The following ZNF480 variants were observed in gnomAD, a reference collection of about 807,000 sequenced individuals.
ZNF480 encodes the protein zinc finger protein 480.
A neutral mutation model predicts 14.4 loss-of-function variants in ZNF480; 15 were observed. That is an observed-to-expected ratio of 1.04 (90% confidence interval 0.70 to 1.60). The LOEUF is 1.60. ZNF480 is among the 40% of genes most tolerant of loss of function. ZNF480 has a pLI of 0.00. For synonymous variants in ZNF480, 218 were observed against 215.5 expected, an observed-to-expected ratio of 1.01 and a Z score of -0.10; for missense variants, 593 against 629.7, an observed-to-expected ratio of 0.94 and a Z score of 0.62.
At chr19:52,321,053 T>C (rs1319328809) in intron 4 of ZNF480, among the ~76,000 whole-genome samples, 3 of 152,204 alleles carry the variant, frequency 2.0e-5, no homozygotes, top group African/African-American at 7.2e-5. Flanking sequence ...CTTTATTTAT[T>C]TTTTAGCCAT....
chr19:52,314,713 A>G (rs2122547101), intron 3 of ZNF480, among the ~76,000 whole-genome samples: 1 of 152,032 alleles, frequency 6.6e-6, no homozygotes, highest in East Asian at 1.9e-4. Flanking sequence ...CTGAGTCAGG[A>G]GAATCTCTTG....
chr19:52,319,573 A>C (rs554368936), intron 4 of ZNF480, among the ~76,000 whole-genome samples: 1 of 152,172 alleles, frequency 6.6e-6, no homozygotes, highest in Admixed American at 6.5e-5. Flanking sequence ...CCTTGGGTTC[A>C]TTTTAATTTG....
chr19:52,314,258 T>C lies in ZNF480; in HGVS notation c.178T>C (p.Tyr60His). The C allele has an allele frequency of 6.4e-7, 1 of 1,569,228 alleles. No homozygotes were observed. Reference protein sequence around the residue: ...ALYKDVMLENYRNLVSLGISL... With the variant: ...ALYKDVMLENHRNLVSLGISL... ...ATACAAGGATGTGATGTTGGAGAAC[T>C]ACAGGAACCTGGTCTCCCTGGGTGA... Residue 60 changes from tyrosine to histidine, a missense_variant, in exon 3 of 5, where the codon TAC becomes CAC. Tyr to His is a moderately conservative substitution (Grantham distance 83, BLOSUM62 2). Transcript: ENST00000595962.
At chr19:52,315,235 C>T (rs1225794995) in intron 3 of ZNF480, among the ~76,000 whole-genome samples, 1 of 152,144 alleles carries the variant, frequency 6.6e-6, no homozygotes, top group Non-Finnish European at 1.5e-5. Flanking sequence ...AGGCATGAGC[C>T]CCCGCACCCA....
At chr19:52,298,967 C>T (rs1443091690) in intron 1 of ZNF480, among the ~76,000 whole-genome samples, 1 of 152,128 alleles carries the variant, frequency 6.6e-6, no homozygotes, top group Non-Finnish European at 1.5e-5. Context: ...TAAGTTGTGA[C>T]ATTGATTTAT....
At chr19:52,300,985 C>CT (rs1982665476) in intron 2 of ZNF480, 1 of 160,178 alleles carries the variant, frequency 6.2e-6, no homozygotes, top group Non-Finnish European at 1.4e-5. Flanking sequence ...TGTCCTGCTC[C>CT]AGTAAGCCAA....
chr19:52,322,492 T>C lies in ZNF480; in HGVS notation c.1242T>C (p.Leu414=). 1 of 1,613,666 alleles carries C rather than the reference T, an allele frequency of 6.2e-7. No individual in the cohort carries two copies. The highest frequency in any genetic ancestry group is 8.5e-7 in the Non-Finnish European group (1 of 1,179,840). The stretch of plus-strand genomic sequence containing the variant: ...AAGTATTTAATCAACTTTCAAATCT[T>C]GCACGACATCGAAGAATTCATACTG... ...CGKVFNQLSN[L]ARHRRIHTGE... The change falls in exon 5 of 5, where the codon CTT becomes CTC. Residue 414 remains leucine (L), a synonymous_variant. Transcript: ENST00000595962.
At position 52,321,971 on chromosome 19, in the gene ZNF480, AGTC is replaced by A; in HGVS notation, c.723_725del (p.Arg242del). ...ATGTAATTCATGCGGCAAGGTCTTT[AGTC>A]GCAATTCACACCTTGCAGAACATTG... On this transcript the variant is annotated inframe_deletion, in exon 5 of 5. Coordinates refer to ENST00000595962, the MANE Select transcript of ZNF480 (RefSeq NM_144684.4). 6.2e-7 allele frequency: 1 copy of A among 1,612,470 alleles called. No individual in the cohort carries two copies. Among genetic ancestry groups the A allele is most frequent in the Admixed American group, 1.7e-5 (1 of 59,984 alleles).
In ZNF480 at chr19:52,322,954, G is replaced by A; in HGVS notation, c.*96G>A. On this transcript the variant is annotated 3_prime_UTR_variant, in exon 5 of 5. Transcript: ENST00000595962. ...CATACTGCAAAGAAATTTTGCAAAT[G>A]TAAAGAATATGACAAGGTCTTCAAA... The A allele has an allele frequency of 2.6e-6, 3 of 1,173,378 alleles. No individual in the cohort carries two copies. Among genetic ancestry groups the A allele is most frequent in the Non-Finnish European group, 3.5e-6 (3 of 867,060 alleles). The allele number at this position is 1,173,378 out of a possible 1,614,324, so 72.7% of individuals were successfully genotyped here.
intron 4 of ZNF480, among the ~76,000 whole-genome samples, chr19:52,317,020 G>A (rs961653169): frequency 2.8e-4 from 43 of 152,050 alleles, no homozygotes; most frequent in Non-Finnish European, 1.8e-4. Flanking sequence ...ATGGGTTTTT[G>A]TTGTTGTTGT....
Position 52,315,978 on chromosome 19 carries a change from G to T in ZNF480, c.328+16G>T. 1 of 1,579,744 alleles carries T rather than the reference G, an allele frequency of 6.3e-7. No individual in the cohort carries two copies. Among genetic ancestry groups the T allele is most frequent in the Non-Finnish European group, 8.6e-7 (1 of 1,160,674 alleles). Reference sequence around the variant, plus strand: ...GTGAACACAGGTAAGAGCTCAGATGGGCATGGTGGAAGCCATGCTGTTGTT... The same window carrying T: ...GTGAACACAGGTAAGAGCTCAGATGTGCATGGTGGAAGCCATGCTGTTGTT... On this transcript the variant is annotated intron_variant, in intron 4 of 4. Coordinates refer to ENST00000595962, the MANE Select transcript of ZNF480 (RefSeq NM_144684.4).
Position 52,323,016 on chromosome 19 carries a change from C to CCTG in ZNF480, c.*158_*159insCTG. On this transcript the variant is annotated 3_prime_UTR_variant, in exon 5 of 5. Transcript: ENST00000595962. The stretch of plus-strand genomic sequence containing the variant: ...CTAATAACTCATTAGAGAATTTATA[C>CCTG]TGGAGAGACTTCACAATTATAATAA... 1 of 543,668 alleles carries CCTG rather than the reference C, an allele frequency of 1.8e-6. No individual in the cohort carries two copies. The highest frequency in any genetic ancestry group is 4.8e-5 in the South Asian group (1 of 20,874). The allele number at this position is 543,668 out of a possible 1,614,324, so 33.7% of individuals were successfully genotyped here.
Position 52,299,850 on chromosome 19 carries a change from C to T in ZNF480, c.-19-544C>T, listed in dbSNP as rs772933642. ...CTGGGATTATAGGTGTGTGCCACCA[C>T]GCCCAGCTAATTTTTGTATTTTTAG... On this transcript the variant is annotated intron_variant, in intron 1 of 4. Coordinates refer to ENST00000595962, the MANE Select transcript of ZNF480 (RefSeq NM_144684.4). Among the ~76,000 whole-genome samples the T allele has an allele frequency of 1.4e-3, 206 of 152,148 alleles. 2 individuals are homozygous for T. The highest frequency in any genetic ancestry group is 7.6e-4 in the Non-Finnish European group (52 of 68,036).
rs192793433 is a variant in ZNF480, at chr19:52,322,334, C to G, written c.1084C>G (p.Gln362Glu). 1.5e-5 allele frequency: 24 copies of G among 1,612,950 alleles called. No homozygotes were observed. In the East Asian group the frequency reaches 5.1e-4, roughly 35 times the overall value. Residue 362 changes from glutamine (Q) to glutamate (E), a missense_variant, in exon 5 of 5, where the codon CAG becomes GAG. Physicochemically the swap from Gln to Glu is conservative, Grantham distance 29 (BLOSUM62 2). Transcript: ENST00000595962. ...FYRIALLVRHQKIHTGEKPYK... is the reference protein window; with the variant it reads ...FYRIALLVRHEKIHTGEKPYK... ...TAGGATTGCGCTCCTTGTACGACATCAGAAAATTCATACTGGAGAGAAACC... is the reference window on the plus strand; with the variant it reads ...TAGGATTGCGCTCCTTGTACGACATGAGAAAATTCATACTGGAGAGAAACC...
chr19:52,300,868 C>A, intron 2 of ZNF480: 1 of 238,122 alleles, frequency 4.2e-6, no homozygotes, highest in Non-Finnish European at 8.3e-6. Flanking sequence ...AGTAGAGAAA[C>A]AGTCTTTGGC....
chr19:52,313,983 A>C (rs1000004859), intron 2 of ZNF480, 170 bp from the exon 3 acceptor site: 3 of 721,276 alleles, frequency 4.2e-6, no homozygotes, highest in Non-Finnish European at 6.1e-6. Context: ...TGTCTCAAAA[A>C]AAAGAAAAAA....
chr19:52,297,228 G>A lies in ZNF480; in HGVS notation c.-20+5G>A, dbSNP rs1363653198. On this transcript the variant is annotated splice_donor_5th_base_variant and intron_variant, in intron 1 of 4. Coordinates refer to ENST00000595962, the MANE Select transcript of ZNF480 (RefSeq NM_144684.4). The stretch of plus-strand genomic sequence containing the variant: ...GTGAAGGTCACGCCGCGGCGCGTGA[G>A]TTTCCCTTTGTGTAAATTAATCTGC... 9.0e-6 allele frequency: 4 copies of A among 445,564 alleles called. No homozygotes were observed. Among genetic ancestry groups the A allele is most frequent in the South Asian group, 3.1e-5 (2 of 63,782 alleles). The allele number at this position is 445,564 out of a possible 1,614,324, so 27.6% of individuals were successfully genotyped here.
chr19:52,312,461 T>G (rs1337275863), intron 2 of ZNF480, among the ~76,000 whole-genome samples: 1 of 152,130 alleles, frequency 6.6e-6, no homozygotes, highest in Non-Finnish European at 1.5e-5. Context: ...TGCCCAGCCA[T>G]AATGACCTTT....
At chr19:52,319,906 C>A (rs1983734456) in intron 4 of ZNF480, among the ~76,000 whole-genome samples, 1 of 150,974 alleles carries the variant, frequency 6.6e-6, no homozygotes, top group Non-Finnish European at 1.5e-5. Flanking sequence ...CAATCTCTGC[C>A]TCCCAGGTTC....
Sources: gnomAD v4.1 joint callset for allele counts (sites outside exome capture counted in the v4.1 genomes callset) on GRCh38, gnomAD v4.1.1 for gene constraint, MANE v1.5 for transcripts, NCBI Gene and HGNC (gene_info 2026-07-23, HGNC 2026-07-21) for gene names.